The following PYHIN1 variants were observed in gnomAD, a reference collection of about 807,000 sequenced individuals.
The protein encoded by PYHIN1 is pyrin and HIN domain family member 1, also known as pyrin and HIN domain-containing protein 1.
A neutral mutation model predicts 43.7 loss-of-function variants in PYHIN1; 32 were observed. The observed-to-expected ratio is 0.73, with a 90% CI of 0.55 to 0.98. PYHIN1 has a LOEUF of 0.98. Among genes scored for constraint, PYHIN1 ranks in the 50% least tolerant of loss-of-function variants. PYHIN1 has a pLI of 0.00. For synonymous variants in PYHIN1, 205 were observed against 203.1 expected (o/e 1.01, Z -0.08); for missense variants, 588 against 589.5 (o/e 1.00, Z 0.03).
downstream of PYHIN1, among the ~76,000 whole-genome samples, chr1:158,978,305 A>T (rs1651367177): frequency 6.6e-6 from 1 of 150,948 alleles, no homozygotes; most frequent in Non-Finnish European, 1.5e-5. Context: ...ATATATGATA[A>T]TTTGGTTCAC....
intron 1 of PYHIN1, among the ~76,000 whole-genome samples, chr1:158,932,171 A>G (rs1438458286): frequency 6.6e-6 from 1 of 152,202 alleles, no homozygotes; most frequent in Non-Finnish European, 1.5e-5. Context: ...TAACATGGAT[A>G]CGGCTAGAGA....
chr1:158,975,375 G>A lies in PYHIN1; in HGVS notation c.*6-1326G>A, dbSNP rs76149485. Among the ~76,000 whole-genome samples, 43 of 152,102 alleles carry A rather than the reference G, an allele frequency of 2.8e-4. No homozygotes were observed. The East Asian group carries it at 7.9e-3, about 28-fold the overall frequency. ...CCCAGAATGGTTGGGAAAACAAATG[G>A]AGATATTACTGGCTCAGAATTACTA... On this transcript the variant is annotated intron_variant, in intron 8 of 8. Coordinates refer to ENST00000368140, the MANE Select transcript of PYHIN1 (RefSeq NM_152501.5).
intron 7 of PYHIN1, among the ~76,000 whole-genome samples, chr1:158,950,369 G>A (rs1649460629): frequency 1.3e-5 from 2 of 152,156 alleles, no homozygotes; most frequent in Non-Finnish European, 2.9e-5. Flanking sequence ...TCCGGGGCTT[G>A]TGTCATCCGA....
rs887815403 is a variant in PYHIN1 at position 158,937,169 on chromosome 1, T to C, written c.259T>C (p.Leu87=). The change falls in exon 2 of 9, where the codon TTA becomes CTA. Residue 87 remains leucine, a synonymous_variant. Coordinates refer to ENST00000368140, the MANE Select transcript of PYHIN1 (RefSeq NM_152501.5). ...DLAETLKREK[L]KVANKIESIP... ...TGCTGAAACTCTTAAAAGAGAAAAG[T>C]TAAAAGGTAATTGGGAAGAGGGAAC... 2.5e-6 allele frequency: 4 copies of C among 1,579,598 alleles called. No individual in the cohort carries two copies. The highest frequency in any genetic ancestry group is 3.4e-6 in the Non-Finnish European group (4 of 1,165,414).
At chr1:158,988,179 T>C in the PYHIN1 span, among the ~76,000 whole-genome samples, 1 of 152,168 alleles carries the variant, frequency 6.6e-6, no homozygotes, top group African/African-American at 2.4e-5. Context: ...GTTTGTGGTA[T>C]TTTCTTTTAG....
Position 158,950,332 on chromosome 1 carries a change from G to A in PYHIN1, c.1359+5290G>A, listed in dbSNP as rs1423108396. Among the ~76,000 whole-genome samples, 3 of 152,208 alleles carry A rather than the reference G, an allele frequency of 2.0e-5. No individual in the cohort carries two copies. The East Asian group carries it at 5.8e-4, about 29-fold the overall frequency. ...CAGGATTCATTCAGCCTCCTGAGTT[G>A]TCCTCTTCAGCATCCCCCAGGTAAT... is the stretch of plus-strand genomic sequence containing the variant. On this transcript the variant is annotated intron_variant, in intron 7 of 8. Transcript: ENST00000368140.
intron 7 of PYHIN1, among the ~76,000 whole-genome samples, chr1:158,961,200 A>G (rs371644773): frequency 6.6e-6 from 1 of 152,252 alleles, no homozygotes; most frequent in Non-Finnish European, 1.5e-5. Flanking sequence ...AGCCTTATAC[A>G]TAAGAGAAAA....
At chr1:158,990,770 T>C in the PYHIN1 span, among the ~76,000 whole-genome samples, 5 of 152,190 alleles carry the variant, frequency 3.3e-5, no homozygotes, top group Admixed American at 3.3e-4. Flanking sequence ...AGTGATACAG[T>C]TTGGCTCTGT....
At chr1:158,976,122 C>A (rs1467226463) in intron 8 of PYHIN1, among the ~76,000 whole-genome samples, 1 of 151,932 alleles carries the variant, frequency 6.6e-6, no homozygotes, top group East Asian at 1.9e-4. Flanking sequence ...TCTGTGTAGA[C>A]AGAGATGGTT....
chr1:158,942,084 A>C lies in PYHIN1; in HGVS notation c.687A>C (p.Glu229Asp). The C allele has an allele frequency of 6.2e-7, 1 of 1,614,178 alleles. No homozygotes were observed. The highest frequency in any genetic ancestry group is 8.5e-7 in the Non-Finnish European group (1 of 1,180,006). ...VLNATKVFKY[E>D]SSENEQRRMF... ...ATGCAACAAAAGTATTTAAATATGA[A>C]TCCTCAGAAAATGAGCAAAGAAGAA... Residue 229 changes from glutamate (E) to aspartate (D), a missense_variant, in exon 5 of 9, where the codon GAA (glutamate) becomes GAC (aspartate). Coordinates refer to ENST00000368140, the MANE Select transcript of PYHIN1 (RefSeq NM_152501.5).
At chr1:158,937,901 C>T (rs530383881) in intron 2 of PYHIN1, among the ~76,000 whole-genome samples, 3 of 151,006 alleles carry the variant, frequency 2.0e-5, no homozygotes, top group African/African-American at 7.3e-5. Flanking sequence ...GCCGAGATCG[C>T]GCCACTGCAC....
chr1:158,977,292 T>C (rs1651331173), downstream of PYHIN1, among the ~76,000 whole-genome samples: 1 of 152,064 alleles, frequency 6.6e-6, no homozygotes, highest in Middle Eastern at 3.2e-3. Context: ...GGGAAGGAGT[T>C]GCTCTAGCCA....
chr1:158,941,059 A>G (rs1648882495), intron 4 of PYHIN1, among the ~76,000 whole-genome samples: 1 of 152,114 alleles, frequency 6.6e-6, no homozygotes, highest in Non-Finnish European at 1.5e-5. Context: ...TTTCTGTTTT[A>G]GGCTGAATGG....
the PYHIN1 span, among the ~76,000 whole-genome samples, chr1:158,984,946 G>A: frequency 6.8e-6 from 1 of 147,230 alleles, no homozygotes; most frequent in African/African-American, 2.5e-5. Context: ...TTTAAGGTCT[G>A]TTTTTTTTTT....
chr1:158,949,585 A>G (rs1234925294), intron 7 of PYHIN1, among the ~76,000 whole-genome samples: 1 of 126,752 alleles, frequency 7.9e-6, no homozygotes, highest in East Asian at 2.4e-4. Context: ...TCCTGTGTCC[A>G]TGTGTTCTCA....
rs747419165 is a variant in PYHIN1, at chr1:158,937,073, A to G, written c.163A>G (p.Lys55Glu). 3 of 1,614,220 alleles carry G rather than the reference A, an allele frequency of 1.9e-6. No individual in the cohort carries two copies. In the East Asian group the frequency reaches 6.7e-5, roughly 36 times the overall value. Residue 55 changes from lysine to glutamate, a missense_variant, in exon 2 of 9, where the codon AAG becomes GAG. Physicochemically the swap from Lys to Glu is moderately conservative, Grantham distance 56. Coordinates refer to ENST00000368140, the MANE Select transcript of PYHIN1 (RefSeq NM_152501.5). ...KIQIADLMEE[K>E]FPGDAGLGKL... ...TCAGATTGCTGACTTGATGGAGGAA[A>G]AGTTCCCAGGTGATGCCGGTTTGGG...
In PYHIN1 at chr1:158,957,740, A is replaced by C. The variant is rs371267277; in HGVS notation, c.1359+12698A>C. Among the ~76,000 whole-genome samples, 276 of 143,582 alleles carry C rather than the reference A, an allele frequency of 1.9e-3. 1 individual carries two copies. Among genetic ancestry groups the C allele is most frequent in the African/African-American group, 6.3e-3 (243 of 38,656 alleles). 94.2% of individuals were successfully genotyped at this position (143,582 alleles called of 152,430 possible). ...ACACCAAAAGCAATGGCAACAAAAGACAAAATTGACAAATGGGATCTAATT... is the reference window on the plus strand; with the variant it reads ...ACACCAAAAGCAATGGCAACAAAAGCCAAAATTGACAAATGGGATCTAATT... On this transcript the variant is annotated intron_variant, in intron 7 of 8. Transcript: ENST00000368140.
At chr1:158,943,702 T>A (rs565864578) in intron 5 of PYHIN1, 88 bp from the exon 6 acceptor site, 816 of 925,322 alleles carry the variant, frequency 8.8e-4, no homozygotes, top group South Asian at 1.2e-3. Flanking sequence ...CTGTCTTGCA[T>A]CTTGTTTTTA....
chr1:158,952,453 A>C (rs1444766898), intron 7 of PYHIN1, among the ~76,000 whole-genome samples: 5 of 152,074 alleles, frequency 3.3e-5, no homozygotes, highest in Non-Finnish European at 7.4e-5. Flanking sequence ...TCCCCTTTTA[A>C]TGCCGCTTAA....
Sources: gnomAD v4.1 joint callset for allele counts (sites outside exome capture counted in the v4.1 genomes callset) on GRCh38, gnomAD v4.1.1 for gene constraint, MANE v1.5 for transcripts, NCBI Gene and HGNC (gene_info 2026-07-23, HGNC 2026-07-21) for gene names.